The following PNN variants were observed in gnomAD, a reference collection of about 807,000 sequenced individuals.
PNN encodes pinin, desmosome associated protein.
PNN carries 38 observed loss-of-function variants against 76.6 expected under a neutral mutation model. The ratio of observed to expected loss-of-function variants is 0.50; its 90% CI spans 0.38 to 0.65. The LOEUF (loss-of-function observed/expected upper bound fraction) is 0.65, where lower values mean the gene tolerates loss of function less well. Ranked by LOEUF, PNN falls within the 30% of genes least tolerant of loss-of-function variation. PNN has a pLI of 0.00. For missense variants in PNN, 873 were observed against 874.1 expected, an observed-to-expected ratio of 1.00 and a Z score of 0.02; for synonymous variants, 366 against 283.7, an observed-to-expected ratio of 1.29 and a Z score of -2.91.
At chr14:39,176,210 G>C in intron 2 of PNN, 61 bp downstream of exon 2, 4 of 971,400 alleles carry the variant, frequency 4.1e-6, no homozygotes, top group Non-Finnish European at 6.6e-6. Flanking sequence ...AAATATGTTG[G>C]TTTGAACAAA....
chr14:39,175,831 G>T lies in PNN; in HGVS notation c.114-247G>T, dbSNP rs944300417. ...CTCGGGGATGGCGGGATGGGGACCT[G>T]ATCCAGGCTTGTTAATGTGTGGGGG... is the stretch of plus-strand genomic sequence containing the variant. On this transcript the variant is annotated intron_variant, in intron 1 of 8. Coordinates refer to ENST00000216832, the MANE Select transcript of PNN (RefSeq NM_002687.4). The T allele has an allele frequency of 1.9e-4, 96 of 515,892 alleles. 5 individuals are homozygous for T. Among genetic ancestry groups the T allele is most frequent in the Non-Finnish European group, 1.7e-5 (5 of 293,222 alleles). The allele number at this position is 515,892 out of a possible 1,614,324, so 32.0% of individuals were successfully genotyped here. A position where few individuals can be genotyped will look rare whatever the true frequency, so the allele number is the denominator to read the frequency against.
At position 39,179,145 on chromosome 14, in the gene PNN, A is replaced by G. The variant is rs141299673; in HGVS notation, c.553A>G (p.Arg185Gly). 8 of 1,614,062 alleles carry G rather than the reference A, an allele frequency of 5.0e-6. No individual in the cohort carries two copies. The highest frequency in any genetic ancestry group is 6.8e-6 in the Non-Finnish European group (8 of 1,179,984). Reference sequence around the variant, plus strand: ...ACTTGAAGTTCAGGCAGAAGAAGAGAGAAAGCAGGTTGAAAATGAAAGGAG... The same window carrying G: ...ACTTGAAGTTCAGGCAGAAGAAGAGGGAAAGCAGGTTGAAAATGAAAGGAG... Reference protein sequence around the residue: ...QKLEVQAEEERKQVENERREL... With the variant: ...QKLEVQAEEEGKQVENERREL... The change falls in exon 7 of 9, where the codon AGA becomes GGA. Residue 185 changes from arginine to glycine, a missense_variant. By Grantham distance (125) the Arg-to-Gly change is moderately radical. Around this residue, in one of 3 missense-constraint regions of PNN, gnomAD observed 712 missense variants for 693.1 expected, o/e 1.03. Transcript: ENST00000216832.
Position 39,180,798 on chromosome 14 carries a change from G to A in PNN, c.1089G>A (p.Glu363=), listed in dbSNP as rs767470687. 6.2e-7 allele frequency: 1 copy of A among 1,612,422 alleles called. No homozygotes were observed. The highest frequency in any genetic ancestry group is 8.5e-7 in the Non-Finnish European group (1 of 1,179,120). Residue 363 remains glutamate, a synonymous_variant, in exon 9 of 9, where the codon GAG becomes GAA. Coordinates refer to ENST00000216832, the MANE Select transcript of PNN (RefSeq NM_002687.4). ...QEEEEQKQEM[E]VKMEEETEVR... ...AGGAAGAACAAAAACAGGAAATGGAGGTTAAGATGGAGGAGGAAACTGAGG... is the reference window on the plus strand; with the variant it reads ...AGGAAGAACAAAAACAGGAAATGGAAGTTAAGATGGAGGAGGAAACTGAGG...
chr14:39,182,821 C>G lies in PNN; in HGVS notation c.*958C>G, dbSNP rs1372239895. The G allele has an allele frequency of 1.3e-5, 2 of 152,600 alleles. No homozygotes were observed. Among genetic ancestry groups the G allele is most frequent in the African/African-American group, 4.8e-5 (2 of 41,440 alleles). 9.5% of individuals were successfully genotyped at this position (152,600 alleles called of 1,614,324 possible). ...GTTCATCTAGGTTTTAATATGTAAG[C>G]AAGATAACACACAAGTGTACCAAGT... On this transcript the variant is annotated 3_prime_UTR_variant, in exon 9 of 9. Coordinates refer to ENST00000216832, the MANE Select transcript of PNN (RefSeq NM_002687.4).
chr14:39,177,164 C>T (rs927237103), intron 3 of PNN, among the ~76,000 whole-genome samples: 1 of 152,206 alleles, frequency 6.6e-6, no homozygotes, highest in Non-Finnish European at 1.5e-5. Flanking sequence ...ACCAGCAGAT[C>T]ACTTGAGCCC....
In PNN at chr14:39,181,542, C is replaced by T. The variant is rs2053270031; in HGVS notation, c.1833C>T (p.Ser611=). The change falls in exon 9 of 9, where the codon TCC becomes TCT. Residue 611 remains serine (S), a synonymous_variant. Coordinates refer to ENST00000216832, the MANE Select transcript of PNN (RefSeq NM_002687.4). ...SSSRSSSSSS[S]STSGSSSRDS... is the part of the protein sequence containing the mutation. ...GTCGCAGTAGTTCCAGTAGCAGCTC[C>T]AGTACAAGTGGCAGCAGCAGCAGAG... 1.2e-6 allele frequency: 2 copies of T among 1,607,420 alleles called. No individual in the cohort carries two copies. Among genetic ancestry groups the T allele is most frequent in the East Asian group, 2.3e-5 (1 of 44,380 alleles).
Position 39,179,034 on chromosome 14 carries a change from C to T in PNN, c.499-57C>T, listed in dbSNP as rs1374178057. 18 of 1,482,696 alleles carry T rather than the reference C, an allele frequency of 1.2e-5. No homozygotes were observed. In the East Asian group the frequency reaches 2.5e-4, roughly 20 times the overall value. The allele number at this position is 1,482,696 out of a possible 1,614,324, so 91.8% of individuals were successfully genotyped here. ...CATAATTGAACTGAAATCATATATA[C>T]CTTTTGTTGTAACTATTTCAACACG... On this transcript the variant is annotated intron_variant, in intron 6 of 8. Coordinates refer to ENST00000216832, the MANE Select transcript of PNN (RefSeq NM_002687.4).
Position 39,181,755 on chromosome 14 carries a change from T to C in PNN, c.2046T>C (p.Asn682=). The change falls in exon 9 of 9, where the codon AAT becomes AAC. Residue 682 remains asparagine (N), a synonymous_variant. Coordinates refer to ENST00000216832, the MANE Select transcript of PNN (RefSeq NM_002687.4). ...SRDTKGSKDK[N]SRSDRKRSIS... Reference sequence around the variant, plus strand: ...ATACAAAAGGATCAAAGGATAAGAATTCCCGGTCCGACAGAAAGAGGTCTA... The same window carrying C: ...ATACAAAAGGATCAAAGGATAAGAACTCCCGGTCCGACAGAAAGAGGTCTA... 28 of 1,614,080 alleles carry C rather than the reference T, an allele frequency of 1.7e-5. No homozygotes were observed. Among genetic ancestry groups the C allele is most frequent in the Non-Finnish European group, 2.4e-5 (28 of 1,179,992 alleles).
chr14:39,176,947 C>G (rs141628589), intron 3 of PNN, among the ~76,000 whole-genome samples: 2 of 152,176 alleles, frequency 1.3e-5, no homozygotes, highest in Non-Finnish European at 2.9e-5. Flanking sequence ...GGCGTTAGTT[C>G]ACACATTGTA....
rs995987347 is a variant in PNN at position 39,176,670 on chromosome 14, A to G, written c.254+75A>G. ...ACACAAATATAAATGTTTATTAACAATAATTCTGTTTCAGCAATATTAAAA... is the reference window on the plus strand; with the variant it reads ...ACACAAATATAAATGTTTATTAACAGTAATTCTGTTTCAGCAATATTAAAA... On this transcript the variant is annotated intron_variant, in intron 3 of 8. Transcript: ENST00000216832. 2.0e-5 allele frequency: 18 copies of G among 880,150 alleles called. No homozygotes were observed. The African/African-American group carries it at 2.1e-4, about 10-fold the overall frequency. The allele number at this position is 880,150 out of a possible 1,614,324, so 54.5% of individuals were successfully genotyped here. A position where few individuals can be genotyped will look rare whatever the true frequency, so the allele number is the denominator to read the frequency against.
rs2053276380 is a variant in PNN at position 39,182,323 on chromosome 14, T to TA, written c.*461dup. 6.5e-6 allele frequency: 1 copy of TA among 154,498 alleles called. No individual in the cohort carries two copies. Among genetic ancestry groups the TA allele is most frequent in the African/African-American group, 2.4e-5 (1 of 41,478 alleles). The allele number at this position is 154,498 out of a possible 1,614,324, so 9.6% of individuals were successfully genotyped here. A position where few individuals can be genotyped will look rare whatever the true frequency, so the allele number is the denominator to read the frequency against. On this transcript the variant is annotated 3_prime_UTR_variant, in exon 9 of 9. Coordinates refer to ENST00000216832, the MANE Select transcript of PNN (RefSeq NM_002687.4). ...ATCATTTTCAGCTTTTAACACTAGA[T>TA]ACTGCACGTGATTAGAATGTTTTTG...
rs946672067 is a variant in PNN at position 39,179,357 on chromosome 14, A to G, written c.688A>G (p.Ile230Val). Residue 230 changes from isoleucine (I) to valine (V), a missense_variant, in exon 8 of 9, where the codon ATT (isoleucine) becomes GTT (valine). By Grantham distance (29) the Ile-to-Val change is conservative. Around this residue, in one of 3 missense-constraint regions of PNN, gnomAD observed 712 missense variants for 693.1 expected, o/e 1.03. Transcript: ENST00000216832. ...ATGGAATGAACATAATGCCAAAATAATTAAATATATAAGAACTAAGACAAA... is the reference window on the plus strand; with the variant it reads ...ATGGAATGAACATAATGCCAAAATAGTTAAATATATAAGAACTAAGACAAA... ...EEWNEHNAKI[I>V]KYIRTKTKPH... 2 of 1,611,392 alleles carry G rather than the reference A, an allele frequency of 1.2e-6. No homozygotes were observed. The highest frequency in any genetic ancestry group is 1.7e-6 in the Non-Finnish European group (2 of 1,178,592).
In PNN at chr14:39,176,097, C is replaced by T; in HGVS notation, c.133C>T (p.Leu45=). The T allele has an allele frequency of 6.2e-7, 1 of 1,608,012 alleles. No homozygotes were observed. The highest frequency in any genetic ancestry group is 8.5e-7 in the Non-Finnish European group (1 of 1,174,412). The change falls in exon 2 of 9, where the codon CTG becomes TTG. Residue 45 remains leucine, a synonymous_variant. Coordinates refer to ENST00000216832, the MANE Select transcript of PNN (RefSeq NM_002687.4). ...TTACAGGCCCATCCAAGCCAGATTG[C>T]TGGCCCTTTCTGGTCCTGGTGGAGG... ...NDVRPIQARL[L]ALSGPGGGRG... is the part of the protein sequence containing the mutation.
Position 39,178,724 on chromosome 14 carries a change from GAA to G in PNN, c.499-346_499-345del, listed in dbSNP as rs61670617. Among the ~76,000 whole-genome samples, 826 of 114,126 alleles carry G rather than the reference GAA, an allele frequency of 7.2e-3. 10 individuals are homozygous for G. The highest frequency in any genetic ancestry group is 0.022 in the African/African-American group (653 of 29,764). 74.9% of individuals were successfully genotyped at this position (114,126 alleles called of 152,430 possible). A position where few individuals can be genotyped will look rare whatever the true frequency, so the allele number is the denominator to read the frequency against. On this transcript the variant is annotated intron_variant, in intron 6 of 8. Coordinates refer to ENST00000216832, the MANE Select transcript of PNN (RefSeq NM_002687.4). Reference sequence around the variant, plus strand: ...CGGCCTGCAGATACCTTTACATAGTGAAAAAAAAAAAAAAAAAAAAAATTTTT... The same window carrying G: ...CGGCCTGCAGATACCTTTACATAGTGAAAAAAAAAAAAAAAAAAAATTTTT...
At position 39,178,368 on chromosome 14, in the gene PNN, C is replaced by T. The variant is rs1016523779; in HGVS notation, c.498+452C>T. Reference sequence around the variant, plus strand: ...CCAACATGGTGAAACCCTGTCTTTACTAAAAATACAAAATTAGCCGCCTGT... The same window carrying T: ...CCAACATGGTGAAACCCTGTCTTTATTAAAAATACAAAATTAGCCGCCTGT... On this transcript the variant is annotated intron_variant, in intron 6 of 8. Coordinates refer to ENST00000216832, the MANE Select transcript of PNN (RefSeq NM_002687.4). 2.0e-5 allele frequency among the ~76,000 whole-genome samples: 3 copies of T among 151,964 alleles called. No individual in the cohort carries two copies. The East Asian group carries it at 5.8e-4, about 29-fold the overall frequency.
Position 39,181,187 on chromosome 14 carries a change from T to G in PNN, c.1478T>G (p.Val493Gly). ...QLQLQSQSQP[V>G]LQSQPPSQPE... ...CAGCTTCAATCCCAGTCCCAACCAG[T>G]ACTCCAGTCCCAGCCTCCCTCTCAG... Residue 493 changes from valine (V) to glycine (G), a missense_variant, in exon 9 of 9, where the codon GTA becomes GGA. Val to Gly is a moderately radical substitution (Grantham distance 109, BLOSUM62 -3). Transcript: ENST00000216832. 6.2e-7 allele frequency: 1 copy of G among 1,609,398 alleles called. No homozygotes were observed. Among genetic ancestry groups the G allele is most frequent in the Non-Finnish European group, 8.5e-7 (1 of 1,175,710 alleles).
In PNN at chr14:39,180,594, T is replaced by C. The variant is rs371409793; in HGVS notation, c.885T>C (p.His295=). 75 of 1,613,764 alleles carry C rather than the reference T, an allele frequency of 4.6e-5. No homozygotes were observed. The African/African-American group carries it at 9.5e-4, about 20-fold the overall frequency. Residue 295 remains histidine, a synonymous_variant, in exon 9 of 9, where the codon CAT becomes CAC. Transcript: ENST00000216832. ...GACAATCAATGAAGGAAAAAGAGCA[T>C]CAGGTGGTGCGTAATGAAGAACAGA... is the stretch of plus-strand genomic sequence containing the variant. The part of the protein sequence containing the change: ...PRRQSMKEKE[H]QVVRNEEQKA...
rs145217594 is a variant in PNN at position 39,180,930 on chromosome 14, A to G, written c.1221A>G (p.Glu407=). The change falls in exon 9 of 9, where the codon GAA becomes GAG. Residue 407 remains glutamate, a synonymous_variant. Transcript: ENST00000216832. Reference sequence around the variant, plus strand: ...TAATTGCTGACCAGGAGGTAATGGAAACTAATCGAGTTGAAAGTGTAGAAC... The same window carrying G: ...TAATTGCTGACCAGGAGGTAATGGAGACTAATCGAGTTGAAAGTGTAGAAC... ...KHVIADQEVM[E]TNRVESVEPS... 38 of 1,614,180 alleles carry G rather than the reference A, an allele frequency of 2.4e-5. No homozygotes were observed. In the African/African-American group the frequency reaches 4.8e-4, roughly 20 times the overall value.
At chr14:39,178,705 G>T (rs922244051) in intron 6 of PNN, among the ~76,000 whole-genome samples, 1 of 141,954 alleles carries the variant, frequency 7.0e-6, no homozygotes, top group Non-Finnish European at 1.5e-5. Context: ...TGCCCGGCCT[G>T]CAGATACCTT....
Sources: allele counts gnomAD v4.1 joint callset (sites outside exome capture counted in the v4.1 genomes callset), GRCh38; gene constraint gnomAD v4.1.1; regional missense constraint gnomAD v4.1.1; transcripts MANE v1.5; gene names NCBI Gene and HGNC (gene_info 2026-07-23, HGNC 2026-07-21).